Variants in PLXDC2 observed in about 807,000 individuals in gnomAD.
The protein encoded by PLXDC2 is plexin domain containing 2.
Under a neutral mutation model 68.9 loss-of-function variants are expected in PLXDC2, and 40 were observed. The observed-to-expected ratio is 0.58, with a 90% CI of 0.45 to 0.76. The LOEUF (loss-of-function observed/expected upper bound fraction) is 0.76. PLXDC2 is among the 30% of genes least tolerant of loss of function. PLXDC2 has a pLI of 0.00. For missense variants in PLXDC2, 644 were observed against 661.9 expected, an observed-to-expected ratio of 0.97 and a Z score of 0.30; for synonymous variants, 243 against 234.2, an observed-to-expected ratio of 1.04 and a Z score of -0.34.
intron 1 of PLXDC2, among the ~76,000 whole-genome samples, chr10:19,949,538 T>G (rs1280716018): frequency 1.3e-5 from 2 of 152,182 alleles, no homozygotes; most frequent in Admixed American, 6.5e-5. Context: ...TAAACAAGAT[T>G]AACATTTTAG....
intron 6 of PLXDC2, 100 bp from the exon 7 acceptor site, chr10:20,164,368 T>C: frequency 1.0e-6 from 1 of 972,298 alleles, no homozygotes; most frequent in Non-Finnish European, 1.6e-6. Context: ...TTTTATCTCC[T>C]TCCCATGGTT....
intron 3 of PLXDC2, among the ~76,000 whole-genome samples, chr10:20,050,149 G>A (rs187015818): frequency 3.2e-4 from 49 of 152,230 alleles, no homozygotes; most frequent in African/African-American, 1.1e-3. Context: ...GGGATAACTG[G>A]CTAGCCATAT....
At chr10:20,230,037 A>G (rs1835339509) in intron 12 of PLXDC2, among the ~76,000 whole-genome samples, 1 of 152,218 alleles carries the variant, frequency 6.6e-6, no homozygotes. Context: ...ACAAAGGACC[A>G]TATAACAGAT....
At chr10:20,138,916 GA>G (rs907586890) in intron 4 of PLXDC2, among the ~76,000 whole-genome samples, 5 of 147,686 alleles carry the variant, frequency 3.4e-5, no homozygotes, top group African/African-American at 1.2e-4. Context: ...CTGTCTCAGA[GA>G]AAAAAAAACA....
chr10:19,886,801 A>C (rs1207236968), intron 1 of PLXDC2, among the ~76,000 whole-genome samples: 1 of 152,224 alleles, frequency 6.6e-6, no homozygotes, highest in Non-Finnish European at 1.5e-5. Context: ...TTTATGAGAA[A>C]AAATTCTGTA....
chr10:20,168,278 T>C (rs140296846), intron 7 of PLXDC2, among the ~76,000 whole-genome samples: 1 of 152,292 alleles, frequency 6.6e-6, no homozygotes, highest in Non-Finnish European at 1.5e-5. Context: ...TCTTTCTATA[T>C]AAAATGAGCA....
intron 1 of PLXDC2, among the ~76,000 whole-genome samples, chr10:19,958,862 A>G (rs962884808): frequency 1.3e-5 from 2 of 152,168 alleles, no homozygotes; most frequent in African/African-American, 4.8e-5. Flanking sequence ...CTGAAACTCA[A>G]CTAGACCTTG....
At chr10:20,173,876 T>C (rs1834482945) in intron 7 of PLXDC2, among the ~76,000 whole-genome samples, 1 of 152,200 alleles carries the variant, frequency 6.6e-6, no homozygotes, top group African/African-American at 2.4e-5. Context: ...GAAGTTGTCG[T>C]TAATTGGCAG....
chr10:19,838,884 G>T (rs1042021819), intron 1 of PLXDC2, among the ~76,000 whole-genome samples: 1 of 152,168 alleles, frequency 6.6e-6, no homozygotes, highest in East Asian at 1.9e-4. Flanking sequence ...TATAAGCATC[G>T]CTTAAGATTA....
chr10:19,858,339 T>C (rs2131332420), intron 1 of PLXDC2, among the ~76,000 whole-genome samples: 1 of 152,320 alleles, frequency 6.6e-6, no homozygotes, highest in South Asian at 2.1e-4. Context: ...TACTATCTAC[T>C]CCTTTTTCAA....
intron 3 of PLXDC2, among the ~76,000 whole-genome samples, 158 bp from the exon 4 acceptor site, chr10:20,068,012 A>G (rs1836243814): frequency 6.6e-6 from 1 of 152,180 alleles, no homozygotes. Flanking sequence ...CAGAAAAAAT[A>G]TTCTTTAGTA....
At chr10:20,058,741 A>C (rs946788379) in intron 3 of PLXDC2, among the ~76,000 whole-genome samples, 2 of 152,216 alleles carry the variant, frequency 1.3e-5, no homozygotes, top group Non-Finnish European at 2.9e-5. Context: ...TCATTGGTCA[A>C]GGATGTCACA....
chr10:20,117,051 GA>G (rs5783719), intron 4 of PLXDC2, among the ~76,000 whole-genome samples: 74,003 of 148,268 alleles, frequency 0.5, 19,300 homozygotes, highest in East Asian at 0.86. Flanking sequence ...CCTTAAAAAT[GA>G]AAAAAAAAAA....
At chr10:20,164,600 G>A in intron 7 of PLXDC2, 33 bp downstream of exon 7, 3 of 1,508,660 alleles carry the variant, frequency 2.0e-6, no homozygotes, top group South Asian at 2.3e-5. Context: ...CAATGAGTGA[G>A]CCTCTGTGGG....
intron 5 of PLXDC2, among the ~76,000 whole-genome samples, chr10:20,145,334 A>G (rs927225260): frequency 3.3e-5 from 5 of 152,206 alleles, no homozygotes; most frequent in African/African-American, 1.2e-4. Flanking sequence ...AAGACTCTTC[A>G]CGAAGCCCTT....
intron 1 of PLXDC2, among the ~76,000 whole-genome samples, chr10:19,973,379 T>A (rs1834395170): frequency 9.2e-6 from 1 of 108,616 alleles, no homozygotes; most frequent in African/African-American, 3.4e-5. Context: ...CATATATATG[T>A]GAATATATAT....
intron 1 of PLXDC2, among the ~76,000 whole-genome samples, chr10:19,917,450 C>T (rs1833389367): frequency 6.6e-6 from 1 of 152,188 alleles, no homozygotes; most frequent in Non-Finnish European, 1.5e-5. Context: ...ATGCTTCATA[C>T]TCTTCAAATT....
rs555068197 is a variant in PLXDC2 at position 20,147,673 on chromosome 10, C to T, written c.665-111C>T. 11 of 641,246 alleles carry T rather than the reference C, an allele frequency of 1.7e-5. No homozygotes were observed. In the Admixed American group the frequency reaches 2.8e-4, roughly 16 times the overall value. 39.7% of individuals were successfully genotyped at this position (641,246 alleles called of 1,614,324 possible). ...TTAACCACATAAAATCGAAATAGTA[C>T]AACTACCAGATTTGAAGGCCAGATG... On this transcript the variant is annotated intron_variant, in intron 5 of 13. Coordinates refer to ENST00000377252, the MANE Select transcript of PLXDC2 (RefSeq NM_032812.9).
chr10:19,855,297 C>A (rs1837191946), intron 1 of PLXDC2, among the ~76,000 whole-genome samples: 1 of 152,084 alleles, frequency 6.6e-6, no homozygotes, highest in Non-Finnish European at 1.5e-5. Context: ...GGTGTCATTT[C>A]AAATTATCGT....
Sources: gnomAD v4.1 joint callset for allele counts (sites outside exome capture counted in the v4.1 genomes callset) on GRCh38, gnomAD v4.1.1 for gene constraint, MANE v1.5 for transcripts, NCBI Gene and HGNC (gene_info 2026-07-23, HGNC 2026-07-21) for gene names.